Variants in ERBB4 observed in about 807,000 individuals in gnomAD.
ERBB4 encodes receptor tyrosine-protein kinase erbB-4.
ERBB4 carries 42 observed loss-of-function variants against 158.0 expected under a neutral mutation model. The observed-to-expected ratio is 0.27, with a 90% CI of 0.21 to 0.34. The LOEUF (loss-of-function observed/expected upper bound fraction) is 0.34, where lower values mean the gene tolerates loss of function less well. Ranked by LOEUF, ERBB4 falls within the 10% of genes least tolerant of loss-of-function variation. The pLI is 1.00. For missense variants in ERBB4, 1,333 were observed against 1,624.1 expected (o/e 0.82, Z 3.08); for synonymous variants, 583 against 558.7 (o/e 1.04, Z -0.61).
chr2:212,436,795 C>A (rs2092145756), intron 1 of ERBB4, among the ~76,000 whole-genome samples: 1 of 152,008 alleles, frequency 6.6e-6, no homozygotes, highest in South Asian at 2.1e-4. Context: ...CTTTCTCAAA[C>A]CAAAGAGACT....
chr2:211,615,776 T>G (rs1408124168), intron 19 of ERBB4, among the ~76,000 whole-genome samples: 1 of 152,142 alleles, frequency 6.6e-6, no homozygotes, highest in African/African-American at 2.4e-5. Flanking sequence ...CACATTTGTG[T>G]TATTTATTAT....
In ERBB4 at chr2:212,190,262, C is replaced by T. The variant is rs1038414694; in HGVS notation, c.83-65359G>A. On this transcript the variant is annotated intron_variant, in intron 1 of 27. Coordinates refer to ENST00000342788, the MANE Select transcript of ERBB4 (RefSeq NM_005235.3). Reference sequence around the variant, plus strand: ...CTTTTAAGAAATGGGGGCAGCTGGGCGCGGTAGCTCAAGCCTGTAATCCCA... The same window carrying T: ...CTTTTAAGAAATGGGGGCAGCTGGGTGCGGTAGCTCAAGCCTGTAATCCCA... 3.3e-5 allele frequency among the ~76,000 whole-genome samples: 5 copies of T among 152,222 alleles called. No homozygotes were observed. The South Asian group carries it at 6.2e-4, about 19-fold the overall frequency.
chr2:211,664,907 T>G (rs182347437), intron 15 of ERBB4, among the ~76,000 whole-genome samples: 87 of 152,316 alleles, frequency 5.7e-4, no homozygotes, highest in African/African-American at 1.8e-3. Flanking sequence ...AAGAGAAATA[T>G]CCTCACCTTA....
chr2:211,409,026 T>A (rs2063201840), intron 25 of ERBB4, among the ~76,000 whole-genome samples: 1 of 152,162 alleles, frequency 6.6e-6, no homozygotes. Context: ...TTCATAAAAT[T>A]TGTCCCCAAT....
chr2:211,632,884 G>A lies in ERBB4; in HGVS notation c.1947-2290C>T, dbSNP rs866618664. 7.2e-5 allele frequency among the ~76,000 whole-genome samples: 11 copies of A among 152,046 alleles called. No individual in the cohort carries two copies. In the Middle Eastern group the frequency reaches 0.027, roughly 376 times the overall value. ...TGTTTTCTTACCACTCTGCAGGAAC[G>A]GTAGAGGTACAAACAACCTGAAGGA... On this transcript the variant is annotated intron_variant, in intron 16 of 27. Transcript: ENST00000342788.
intron 20 of ERBB4, among the ~76,000 whole-genome samples, chr2:211,498,339 A>C (rs2065526537): frequency 6.6e-6 from 1 of 152,126 alleles, no homozygotes; most frequent in African/African-American, 2.4e-5. Context: ...ACACTAGAAG[A>C]GTTACTTGTT....
At chr2:212,191,673 C>T (rs2082218791) in intron 1 of ERBB4, among the ~76,000 whole-genome samples, 1 of 130,604 alleles carries the variant, frequency 7.7e-6, no homozygotes, top group African/African-American at 3.0e-5. Context: ...TGTCATATAT[C>T]GCGTGTGTTA....
intron 14 of ERBB4, among the ~76,000 whole-genome samples, chr2:211,666,021 T>C (rs1357033993): frequency 1.3e-5 from 2 of 152,128 alleles, no homozygotes; most frequent in African/African-American, 4.8e-5. Context: ...CATATAAGAG[T>C]AGGATGTAAA....
chr2:212,353,070 C>A (rs1355147031), intron 1 of ERBB4, among the ~76,000 whole-genome samples: 1 of 151,910 alleles, frequency 6.6e-6, no homozygotes, highest in Non-Finnish European at 1.5e-5. Flanking sequence ...TTCCCTACCC[C>A]CACCTCACAA....
chr2:211,907,716 T>A (rs2079434031), intron 3 of ERBB4, among the ~76,000 whole-genome samples: 1 of 150,734 alleles, frequency 6.6e-6, no homozygotes, highest in Middle Eastern at 3.4e-3. Context: ...TATACCTATT[T>A]AAAAAAAAAT....
At chr2:212,053,084 A>T (rs1452154003) in intron 2 of ERBB4, among the ~76,000 whole-genome samples, 1 of 152,152 alleles carries the variant, frequency 6.6e-6, no homozygotes, top group Admixed American at 6.5e-5. Flanking sequence ...TTGAGAGGCC[A>T]AAACAGGAGG....
chr2:211,427,406 G>C (rs1300056683), intron 22 of ERBB4, among the ~76,000 whole-genome samples: 1 of 151,908 alleles, frequency 6.6e-6, no homozygotes, highest in Non-Finnish European at 1.5e-5. Context: ...CTCCTTCTTG[G>C]TATTACCGGA....
chr2:211,795,372 A>G (rs1205062981), intron 3 of ERBB4, among the ~76,000 whole-genome samples: 2 of 151,870 alleles, frequency 1.3e-5, no homozygotes, highest in Non-Finnish European at 2.9e-5. Context: ...TATCTGTCGC[A>G]TAGTTGCTTC....
intron 20 of ERBB4, among the ~76,000 whole-genome samples, chr2:211,517,023 A>C (rs1381358720): frequency 1.3e-5 from 2 of 152,186 alleles, no homozygotes; most frequent in African/African-American, 2.4e-5. Context: ...ATGCTCCTAC[A>C]GTGGAAAAAG....
intron 2 of ERBB4, among the ~76,000 whole-genome samples, chr2:212,049,262 T>C (rs1488570037): frequency 6.6e-6 from 1 of 152,216 alleles, no homozygotes. Flanking sequence ...AAACATGTAA[T>C]AGGTAATATC....
chr2:211,777,915 A>G (rs2075925779), intron 4 of ERBB4: 1 of 152,228 alleles, frequency 6.6e-6, no homozygotes, highest in South Asian at 2.1e-4. Context: ...TAAGTAAATG[A>G]CACTTAATTT....
At chr2:212,138,493 G>A (rs1298665471) in intron 1 of ERBB4, among the ~76,000 whole-genome samples, 1 of 152,060 alleles carries the variant, frequency 6.6e-6, no homozygotes, top group Non-Finnish European at 1.5e-5. Flanking sequence ...GATACCCTCT[G>A]CTGCCTCAGG....
intron 19 of ERBB4, among the ~76,000 whole-genome samples, chr2:211,610,036 C>T (rs1163877797): frequency 1.3e-5 from 2 of 151,986 alleles, no homozygotes; most frequent in South Asian, 2.1e-4. Flanking sequence ...TTTTGTAATA[C>T]CATTTTTAGC....
intron 1 of ERBB4, among the ~76,000 whole-genome samples, chr2:212,407,585 A>G (rs1203967260): frequency 2.0e-5 from 3 of 152,082 alleles, no homozygotes; most frequent in African/African-American, 7.2e-5. Flanking sequence ...AAGTGTTTTT[A>G]AGTAAATAAG....
Sources: gnomAD v4.1 joint callset for allele counts (sites outside exome capture counted in the v4.1 genomes callset) on GRCh38, gnomAD v4.1.1 for gene constraint, MANE v1.5 for transcripts, NCBI Gene and HGNC (gene_info 2026-07-23, HGNC 2026-07-21) for gene names.